The following ADGRA3 variants were observed in gnomAD, a reference collection of about 807,000 sequenced individuals.
ADGRA3 encodes the protein G-protein coupled receptor 125.
In ADGRA3, 56 loss-of-function variants were observed where a neutral mutation model predicts 119.8. The ratio of observed to expected loss-of-function variants is 0.47; its 90% confidence interval spans 0.38 to 0.58. ADGRA3 has a LOEUF of 0.58. Among genes scored for constraint, ADGRA3 ranks in the 20% least tolerant of loss-of-function variants. The probability of loss-of-function intolerance (pLI) is 0.00; values close to 1 mark genes in which losing one functional copy is unlikely to be tolerated. For synonymous variants in ADGRA3, 607 were observed against 623.8 expected, an observed-to-expected ratio of 0.97 and a Z score of 0.40; for missense variants, 1,516 against 1,649.0, an observed-to-expected ratio of 0.92 and a Z score of 1.40.
At chr4:22,464,269 TG>T (rs1717575666) in intron 2 of ADGRA3, among the ~76,000 whole-genome samples, 1 of 152,222 alleles carries the variant, frequency 6.6e-6, no homozygotes, top group Non-Finnish European at 1.5e-5. Context: ...TTGTCAATGC[TG>T]GTAACTACCC....
At chr4:22,407,068 G>A (rs1250844329) in intron 14 of ADGRA3, among the ~76,000 whole-genome samples, 4 of 152,196 alleles carry the variant, frequency 2.6e-5, no homozygotes, top group Middle Eastern at 3.4e-3. Context: ...TCAGGAGATC[G>A]AGACCATCCT....
At chr4:22,443,114 A>C (rs1560319567) in intron 6 of ADGRA3, 1 of 679,000 alleles carries the variant, frequency 1.5e-6, no homozygotes, top group Non-Finnish European at 2.6e-6. Flanking sequence ...GCATCCTAAG[A>C]GTATCAGATG....
intron 4 of ADGRA3, among the ~76,000 whole-genome samples, chr4:22,449,861 AT>A (rs71182940): frequency 1.3e-4 from 19 of 150,668 alleles, no homozygotes; most frequent in African/African-American, 4.7e-4. Context: ...AAAAAAAAAA[AT>A]GAATTGCATC....
intron 1 of ADGRA3, among the ~76,000 whole-genome samples, chr4:22,499,690 T>C (rs778665671): frequency 3.3e-5 from 5 of 152,142 alleles, no homozygotes; most frequent in Non-Finnish European, 7.4e-5. Flanking sequence ...AAATTTTCAA[T>C]CTCAAGAATG....
intron 2 of ADGRA3, chr4:22,473,087 AT>A (rs1717911614): frequency 6.6e-6 from 1 of 152,182 alleles, no homozygotes; most frequent in Non-Finnish European, 1.5e-5. Context: ...ATCAAAGTTT[AT>A]ACTAGTGTTT....
chr4:22,497,733 G>T (rs1051520977), intron 1 of ADGRA3, among the ~76,000 whole-genome samples: 2 of 136,474 alleles, frequency 1.5e-5, no homozygotes, highest in African/African-American at 5.5e-5. Flanking sequence ...ACGTTACAGT[G>T]AGCCAAGATC....
intron 14 of ADGRA3, among the ~76,000 whole-genome samples, chr4:22,403,934 T>C (rs1714779732): frequency 6.6e-6 from 1 of 152,144 alleles, no homozygotes; most frequent in East Asian, 1.9e-4. Context: ...AAGGATTAGA[T>C]TCAAAGGAGC....
intron 1 of ADGRA3, among the ~76,000 whole-genome samples, chr4:22,493,607 G>A (rs537906304): frequency 6.6e-6 from 1 of 152,292 alleles, no homozygotes; most frequent in African/African-American, 2.4e-5. Flanking sequence ...TACCAGTCTG[G>A]TAAAGCACTA....
At chr4:22,513,279 G>A (rs574810058) in intron 1 of ADGRA3, among the ~76,000 whole-genome samples, 6 of 149,468 alleles carry the variant, frequency 4.0e-5, no homozygotes, top group East Asian at 4.1e-4. Context: ...CCCGAGTAGC[G>A]ACTAGCTGGG....
At chr4:22,426,743 C>T (rs972365489) in intron 10 of ADGRA3, among the ~76,000 whole-genome samples, 2 of 152,140 alleles carry the variant, frequency 1.3e-5, no homozygotes, top group African/African-American at 2.4e-5. Flanking sequence ...AGGGGTACTT[C>T]CCCCCAAACC....
At chr4:22,421,489 C>T (rs1715677444) in intron 11 of ADGRA3, among the ~76,000 whole-genome samples, 1 of 152,140 alleles carries the variant, frequency 6.6e-6, no homozygotes, top group African/African-American at 2.4e-5. Flanking sequence ...AGAATGAGAG[C>T]TAAATATTAG....
At chr4:22,476,270 T>C (rs1162006567) in intron 1 of ADGRA3, among the ~76,000 whole-genome samples, 1 of 152,124 alleles carries the variant, frequency 6.6e-6, no homozygotes, top group African/African-American at 2.4e-5. Flanking sequence ...CAAGAGCCTA[T>C]GACCCTAGCT....
In ADGRA3 at chr4:22,402,664, G is replaced by A. The variant is rs776525556; in HGVS notation, c.2357+11C>T. On this transcript the variant is annotated intron_variant, in intron 15 of 18. Coordinates refer to ENST00000334304, the MANE Select transcript of ADGRA3 (RefSeq NM_145290.4). ...GTCCGCAGATCTATTTTGTCGAGAT[G>A]TATTTCTTACCTGTGATGGTATATG... is the stretch of plus-strand genomic sequence containing the variant. 1.9e-6 allele frequency: 3 copies of A among 1,607,702 alleles called. No homozygotes were observed. The highest frequency in any genetic ancestry group is 2.7e-5 in the African/African-American group (2 of 74,574).
In ADGRA3 at chr4:22,435,341, T is replaced by C; in HGVS notation, c.1413A>G (p.Gly471=). The C allele has an allele frequency of 6.2e-7, 1 of 1,613,488 alleles. No homozygotes were observed. The highest frequency in any genetic ancestry group is 2.2e-5 in the East Asian group (1 of 44,860). ...IFVAEMIEKF[G]RFTKEEKSKE... ...TTGATTTTTCCTCCTTGGTAAATCTTCCAAATTTTTCAATCATTTCTGCCA... is the reference window on the plus strand; with the variant it reads ...TTGATTTTTCCTCCTTGGTAAATCTCCCAAATTTTTCAATCATTTCTGCCA... The change falls in exon 10 of 19, where the codon GGA becomes GGG. Residue 471 remains glycine (G), a synonymous_variant. Coordinates refer to ENST00000334304, the MANE Select transcript of ADGRA3 (RefSeq NM_145290.4).
intron 1 of ADGRA3, among the ~76,000 whole-genome samples, chr4:22,474,289 T>C (rs1398819230): frequency 6.6e-6 from 1 of 152,214 alleles, no homozygotes; most frequent in Non-Finnish European, 1.5e-5. Flanking sequence ...ATCATTTCAA[T>C]AAGACTGAAT....
At position 22,404,614 on chromosome 4, in the gene ADGRA3, T is replaced by A. The variant is rs116905538; in HGVS notation, c.2233-1815A>T. ...GTACCAAGTAATGGATATACAGGGA[T>A]AGACAGAACACAGTTCCAACCCTTG... On this transcript the variant is annotated intron_variant, in intron 14 of 18. Transcript: ENST00000334304. 2.4e-3 allele frequency among the ~76,000 whole-genome samples: 365 copies of A among 152,254 alleles called. 13 individuals carry two copies. The East Asian group carries it at 0.06, about 25-fold the overall frequency.
chr4:22,435,532 C>T, intron 9 of ADGRA3, 66 bp from the exon 10 acceptor site: 3 of 1,355,226 alleles, frequency 2.2e-6, no homozygotes, highest in Middle Eastern at 1.9e-4. Context: ...ACAATCCTGA[C>T]ATTTTAACTT....
chr4:22,440,963 C>T (rs1560318378), intron 7 of ADGRA3, among the ~76,000 whole-genome samples: 1 of 152,180 alleles, frequency 6.6e-6, no homozygotes, highest in Non-Finnish European at 1.5e-5. Flanking sequence ...ACCCTTCCCA[C>T]AGCTAACAAT....
chr4:22,479,535 T>C (rs1718179390), intron 1 of ADGRA3, among the ~76,000 whole-genome samples: 1 of 152,054 alleles, frequency 6.6e-6, no homozygotes, highest in African/African-American at 2.4e-5. Flanking sequence ...GGAATGCCTT[T>C]ACACTGTTGA....
Sources: allele counts gnomAD v4.1 joint callset (sites outside exome capture counted in the v4.1 genomes callset), GRCh38; gene constraint gnomAD v4.1.1; transcripts MANE v1.5; gene names NCBI Gene and HGNC (gene_info 2026-07-23, HGNC 2026-07-21).